The following NPAS3 variants were observed in gnomAD, a reference collection of about 807,000 sequenced individuals.
The protein encoded by NPAS3 is neuronal PAS domain protein 3, also known as neuronal PAS domain-containing protein 3.
In NPAS3, 14 loss-of-function variants were observed where a neutral mutation model predicts 73.1. The observed-to-expected ratio is 0.19, with a 90% CI of 0.13 to 0.30. The LOEUF (loss-of-function observed/expected upper bound fraction) is 0.30, where lower values mean the gene tolerates loss of function less well. Ranked by LOEUF, NPAS3 falls within the 10% of genes least tolerant of loss-of-function variation. The pLI is 1.00. For missense variants in NPAS3, 1,096 were observed against 1,250.0 expected, an observed-to-expected ratio of 0.88 and a Z score of 1.86; for synonymous variants, 620 against 541.5, an observed-to-expected ratio of 1.14 and a Z score of -2.01.
At chr14:33,377,687 G>A (rs2046369575) in intron 4 of NPAS3, among the ~76,000 whole-genome samples, 2 of 152,194 alleles carry the variant, frequency 1.3e-5, no homozygotes, top group African/African-American at 4.8e-5. Flanking sequence ...TGAGAGAAGT[G>A]TGAGTGAGGG....
At chr14:33,432,261 C>T (rs553691391) in intron 4 of NPAS3, among the ~76,000 whole-genome samples, 19 of 152,130 alleles carry the variant, frequency 1.2e-4, no homozygotes, top group Non-Finnish European at 1.8e-4. Context: ...AATTGGTTTC[C>T]CTTTAGTAAA....
At chr14:33,725,069 T>TA (rs1024319591) in intron 6 of NPAS3, among the ~76,000 whole-genome samples, 8 of 152,128 alleles carry the variant, frequency 5.3e-5, no homozygotes, top group African/African-American at 7.2e-5. Flanking sequence ...AAAATTTGTT[T>TA]AAAAAAACTG....
intron 2 of NPAS3, among the ~76,000 whole-genome samples, chr14:33,087,112 A>AAT (rs1555334792): frequency 7.9e-6 from 1 of 127,114 alleles, no homozygotes; most frequent in Non-Finnish European, 1.6e-5. Context: ...AATATTGTAT[A>AAT]ATATAGTATA....
chr14:33,600,110 T>C (rs2057355786), intron 5 of NPAS3, among the ~76,000 whole-genome samples: 1 of 152,240 alleles, frequency 6.6e-6, no homozygotes, highest in South Asian at 2.1e-4. Context: ...CTAGATGTTT[T>C]GTTCCCTTTT....
chr14:33,750,439 G>T (rs1304929415), intron 7 of NPAS3, among the ~76,000 whole-genome samples: 1 of 152,238 alleles, frequency 6.6e-6, no homozygotes, highest in African/African-American at 2.4e-5. Context: ...ATCTACTTCA[G>T]TTCCTTCCAG....
In NPAS3 at chr14:32,971,936, CT is replaced by C. The variant is rs66998179; in HGVS notation, c.50+32591del. Among the ~76,000 whole-genome samples the C allele has an allele frequency of 9.1e-3, 1,025 of 112,906 alleles. 3 individuals carry two copies. The highest frequency in any genetic ancestry group is 0.03 in the East Asian group (117 of 3,902). 74.1% of individuals were successfully genotyped at this position (112,906 alleles called of 152,430 possible). A position where few individuals can be genotyped will look rare whatever the true frequency, so the allele number is the denominator to read the frequency against. On this transcript the variant is annotated intron_variant, in intron 1 of 11. Coordinates refer to ENST00000356141, the Ensembl canonical transcript of NPAS3. ...AGATATCTATTAAATCAGTGGGACT[CT>C]TTTTTTTTTTTTTTTTTTTTGAGAT... is the stretch of plus-strand genomic sequence containing the variant.
chr14:33,480,551 T>TCCCC (rs2051271504), intron 4 of NPAS3, among the ~76,000 whole-genome samples: 1 of 16,412 alleles, frequency 6.1e-5, no homozygotes, highest in African/African-American at 4.8e-4. Flanking sequence ...CCCCCACCCT[T>TCCCC]CCTCCCTCCC....
At chr14:33,072,744 A>G (rs6571577) in intron 2 of NPAS3, among the ~76,000 whole-genome samples, 79,288 of 152,008 alleles carry the variant, frequency 0.52, 22,211 homozygotes, top group Middle Eastern at 0.66. Flanking sequence ...GAACCTGCCC[A>G]CATAGCCTGG....
At position 33,249,681 on chromosome 14, in the gene NPAS3, T is replaced by C. The variant is rs909522884; in HGVS notation, c.385+34255T>C. 1.1e-3 allele frequency among the ~76,000 whole-genome samples: 164 copies of C among 152,140 alleles called. 6 individuals carry two copies. The highest frequency in any genetic ancestry group is 0.011 in the Admixed American group (161 of 15,262). ...AAGGAGAACCGCTTACATGTTCCTG[T>C]AATCCCTGCCGCTTTACAGTTCAGT... On this transcript the variant is annotated intron_variant, in intron 3 of 11. Transcript: ENST00000356141.
intron 4 of NPAS3, among the ~76,000 whole-genome samples, chr14:33,371,519 G>A (rs1177291441): frequency 6.6e-6 from 1 of 152,122 alleles, no homozygotes; most frequent in Non-Finnish European, 1.5e-5. Flanking sequence ...TTAAAAATCA[G>A]TATCTCATGG....
At chr14:33,005,057 T>C (rs561824853) in intron 1 of NPAS3, among the ~76,000 whole-genome samples, 1 of 152,164 alleles carries the variant, frequency 6.6e-6, no homozygotes, top group East Asian at 1.9e-4. Context: ...GTTTTATAGT[T>C]AACTTTTTTT....
intron 4 of NPAS3, among the ~76,000 whole-genome samples, chr14:33,460,461 A>G (rs979673898): frequency 5.9e-5 from 9 of 152,200 alleles, no homozygotes; most frequent in Non-Finnish European, 1.0e-4. Context: ...TCCATGTTAT[A>G]CAAGTAAATG....
chr14:33,148,808 G>T (rs777817067), intron 2 of NPAS3, among the ~76,000 whole-genome samples: 1 of 151,880 alleles, frequency 6.6e-6, no homozygotes, highest in African/African-American at 2.4e-5. Context: ...CCACCTCAGC[G>T]TCCCAAGTAG....
intron 4 of NPAS3, among the ~76,000 whole-genome samples, chr14:33,514,220 C>A (rs1211126351): frequency 6.6e-6 from 1 of 151,958 alleles, no homozygotes; most frequent in East Asian, 1.9e-4. Context: ...GCAGAGGCAA[C>A]CCATGGTATA....
chr14:33,391,960 T>A (rs1471880308), intron 4 of NPAS3, among the ~76,000 whole-genome samples: 1 of 152,218 alleles, frequency 6.6e-6, no homozygotes, highest in Non-Finnish European at 1.5e-5. Flanking sequence ...CCTTACTGAA[T>A]AAATATATTT....
intron 4 of NPAS3, among the ~76,000 whole-genome samples, chr14:33,398,652 G>C (rs2047323721): frequency 1.3e-5 from 2 of 152,058 alleles, no homozygotes; most frequent in South Asian, 4.2e-4. Flanking sequence ...GATTTTTAAA[G>C]ATATGTGACA....
chr14:33,582,517 T>C (rs78533255), intron 5 of NPAS3, among the ~76,000 whole-genome samples: 16,230 of 152,232 alleles, frequency 0.11, 1,186 homozygotes, highest in Non-Finnish European at 0.16. Context: ...TAATATTCCA[T>C]GTTTATGCTT....
chr14:33,684,690 T>G (rs1203847437), intron 6 of NPAS3, among the ~76,000 whole-genome samples: 1 of 152,210 alleles, frequency 6.6e-6, no homozygotes, highest in Non-Finnish European at 1.5e-5. Flanking sequence ...CAACCCTAAG[T>G]CACTTGGTCT....
chr14:33,117,695 CCT>C (rs2043112312), intron 2 of NPAS3, among the ~76,000 whole-genome samples: 1 of 151,992 alleles, frequency 6.6e-6, no homozygotes, highest in African/African-American at 2.4e-5. Flanking sequence ...GGAATTGTAA[CCT>C]TATTTGATAG....
Sources: allele counts gnomAD v4.1 joint callset (sites outside exome capture counted in the v4.1 genomes callset), GRCh38; gene constraint gnomAD v4.1.1; transcripts MANE v1.5; gene names NCBI Gene and HGNC (gene_info 2026-07-23, HGNC 2026-07-21).